PTPRN2: variants seen among roughly 807,000 people sequenced by gnomAD.
The protein encoded by PTPRN2 is receptor-type tyrosine-protein phosphatase N2.
A neutral mutation model predicts 118.8 loss-of-function variants in PTPRN2; 74 were observed. That is an observed-to-expected ratio of 0.62 (90% CI 0.52 to 0.76). The LOEUF (loss-of-function observed/expected upper bound fraction) is 0.76, where lower values mean the gene tolerates loss of function less well. Among genes scored for constraint, PTPRN2 ranks in the 30% least tolerant of loss-of-function variants. The probability of loss-of-function intolerance (pLI) is 0.00; values close to 1 mark genes in which losing one functional copy is unlikely to be tolerated. For missense variants in PTPRN2, 1,481 were observed against 1,394.4 expected, an observed-to-expected ratio of 1.06 and a Z score of -0.99; for synonymous variants, 641 against 608.0, an observed-to-expected ratio of 1.05 and a Z score of -0.80.
At chr7:158,432,036 C>T (rs1816248823) in intron 2 of PTPRN2, among the ~76,000 whole-genome samples, 1 of 152,232 alleles carries the variant, frequency 6.6e-6, no homozygotes, top group Admixed American at 6.5e-5. Flanking sequence ...TAACAGGATC[C>T]CCTTTGGTCA....
At chr7:158,129,102 C>G (rs571872458) in intron 9 of PTPRN2, among the ~76,000 whole-genome samples, 1 of 150,294 alleles carries the variant, frequency 6.7e-6, no homozygotes, top group South Asian at 2.1e-4. Flanking sequence ...ACACTACACA[C>G]CACACACAAC....
chr7:157,906,190 G>A (rs1371611109), intron 11 of PTPRN2, among the ~76,000 whole-genome samples: 9 of 152,200 alleles, frequency 5.9e-5, no homozygotes, highest in Admixed American at 3.3e-4. Context: ...AGAGGAAGGG[G>A]AAAGAGCTTT....
intron 9 of PTPRN2, among the ~76,000 whole-genome samples, chr7:158,118,890 A>G (rs1816931891): frequency 6.6e-6 from 1 of 152,092 alleles, no homozygotes; most frequent in Non-Finnish European, 1.5e-5. Context: ...TTTTGTAGAG[A>G]TGGGGTTTTG....
intron 22 of PTPRN2, among the ~76,000 whole-genome samples, chr7:157,545,504 T>C (rs1282086817): frequency 1.3e-5 from 2 of 151,890 alleles, no homozygotes; most frequent in Admixed American, 6.6e-5. Context: ...TGCAGGTGTG[T>C]GGGTGTACAC....
chr7:158,277,126 T>C (rs1799067084), intron 3 of PTPRN2, among the ~76,000 whole-genome samples: 1 of 148,646 alleles, frequency 6.7e-6, no homozygotes, highest in Non-Finnish European at 1.5e-5. Context: ...CACACACACG[T>C]GCCCGCACAC....
At chr7:158,161,128 T>C (rs1321498381) in intron 6 of PTPRN2, among the ~76,000 whole-genome samples, 3 of 152,224 alleles carry the variant, frequency 2.0e-5, no homozygotes, top group Non-Finnish European at 4.4e-5. Flanking sequence ...GACTCAATAT[T>C]GTCAGCATGT....
In PTPRN2 at chr7:158,062,390, T is replaced by C. The variant is rs546837253; in HGVS notation, c.1723+18908A>G. On this transcript the variant is annotated intron_variant, in intron 11 of 22. Transcript: ENST00000389418. The stretch of plus-strand genomic sequence containing the variant: ...GTTTCCCAGGTACTGTCAGTGGCAG[T>C]GAAAGGTGATGGCGTGCTGGCAGCC... Among the ~76,000 whole-genome samples, 21 of 152,292 alleles carry C rather than the reference T, an allele frequency of 1.4e-4. No individual in the cohort carries two copies. In the Middle Eastern group the frequency reaches 0.014, roughly 99 times the overall value.
intron 2 of PTPRN2, among the ~76,000 whole-genome samples, chr7:158,389,409 T>C (rs969950320): frequency 7.2e-5 from 11 of 152,242 alleles, no homozygotes; most frequent in Non-Finnish European, 4.4e-5. Context: ...AAGAGATGTA[T>C]TGTGCCTTCT....
chr7:157,813,810 G>C lies in PTPRN2; in HGVS notation c.1788+84863C>G, dbSNP rs1806208277. Among the ~76,000 whole-genome samples, 1 of 152,234 alleles carries C rather than the reference G, an allele frequency of 6.6e-6. No homozygotes were observed. The highest frequency in any genetic ancestry group is 2.4e-5 in the African/African-American group (1 of 41,466). ...TTCATCTGGACCCTGAGTCAGAATGGCCTGGAGCGCGGGTAAAACAGCTCG... is the reference window on the plus strand; with the variant it reads ...TTCATCTGGACCCTGAGTCAGAATGCCCTGGAGCGCGGGTAAAACAGCTCG... On this transcript the variant is annotated intron_variant, in intron 12 of 22. Coordinates refer to ENST00000389418, the MANE Select transcript of PTPRN2 (RefSeq NM_002847.5). This position sits in a 1 kb window ranked among gnomAD's most constrained non-coding sequence, Gnocchi z 4.7.
chr7:158,327,284 CTCACACATGT>C (rs1282487078), intron 2 of PTPRN2, among the ~76,000 whole-genome samples: 1 of 148,070 alleles, frequency 6.8e-6, no homozygotes, highest in Non-Finnish European at 1.5e-5. Context: ...CTCACACATG[CTCACACATGT>C]ACACATTCTC....
At position 158,133,898 on chromosome 7, in the gene PTPRN2, C is replaced by T; in HGVS notation, c.1335G>A (p.Glu445=). The change falls in exon 9 of 23, where the codon GAG becomes GAA. Residue 445 remains glutamate, a synonymous_variant. Transcript: ENST00000389418. ...TGGAATACGTCTGGCTCTTGACGTT[C>T]TCCACTCCGGCAGTCTCCTCTTCTG... The part of the protein sequence containing the change: ...LSSEEETAGV[E]NVKSQTYSKD... 6.2e-7 allele frequency: 1 copy of T among 1,613,956 alleles called. No homozygotes were observed. Among genetic ancestry groups the T allele is most frequent in the Non-Finnish European group, 8.5e-7 (1 of 1,180,046 alleles).
intron 6 of PTPRN2, among the ~76,000 whole-genome samples, chr7:158,149,927 AAAAT>A (rs562470953): frequency 9.8e-5 from 15 of 152,298 alleles, no homozygotes; most frequent in Admixed American, 2.6e-4. Flanking sequence ...AATTTAATAT[AAAAT>A]AAATAAAACA....
At chr7:158,447,770 A>G (rs921910031) in intron 2 of PTPRN2, among the ~76,000 whole-genome samples, 2 of 152,114 alleles carry the variant, frequency 1.3e-5, no homozygotes, top group Non-Finnish European at 2.9e-5. Flanking sequence ...CAGGGAGCTG[A>G]CCTCTCTGCG....
chr7:158,062,991 C>CGGCCCTGGTGCA (rs1385298961), intron 11 of PTPRN2, among the ~76,000 whole-genome samples: 2 of 152,232 alleles, frequency 1.3e-5, no homozygotes, highest in Non-Finnish European at 1.5e-5. Flanking sequence ...GCTCCGCCTG[C>CGGCCCTGGTGCA]GGCCCTGGTG....
intron 12 of PTPRN2, among the ~76,000 whole-genome samples, chr7:157,775,936 C>T (rs1208376243): frequency 1.3e-5 from 2 of 152,012 alleles, no homozygotes; most frequent in African/African-American, 4.8e-5. Flanking sequence ...GAGGAGACCG[C>T]CGCAAAATGC....
At position 158,015,728 on chromosome 7, in the gene PTPRN2, G is replaced by C. The variant is rs769717994; in HGVS notation, c.1723+65570C>G. ...GCAATTAAGCAACCAGCTATTATTA[G>C]GAGTTCAAAACAAATCACAAACATG... On this transcript the variant is annotated intron_variant, in intron 11 of 22. Transcript: ENST00000389418. The surrounding 1 kb of genome is among the most constrained non-coding windows in gnomAD (Gnocchi z 4.2). Among the ~76,000 whole-genome samples, 3 of 152,218 alleles carry C rather than the reference G, an allele frequency of 2.0e-5. No homozygotes were observed. The highest frequency in any genetic ancestry group is 4.4e-5 in the Non-Finnish European group (3 of 68,044).
rs540688826 is a variant in PTPRN2, at chr7:157,784,901, C to T, written c.1789-101964G>A. On this transcript the variant is annotated intron_variant, in intron 12 of 22. Transcript: ENST00000389418. The surrounding 1 kb of genome is among the most constrained non-coding windows in gnomAD (Gnocchi z 4.6). The stretch of plus-strand genomic sequence containing the variant: ...TGGACTTGTTCAAATGGGTGGGCAG[C>T]TGTTTCTCTGAGGAAACGCGCCCCT... Among the ~76,000 whole-genome samples the T allele has an allele frequency of 7.2e-5, 11 of 152,270 alleles. No homozygotes were observed. Among genetic ancestry groups the T allele is most frequent in the African/African-American group, 2.4e-4 (10 of 41,560 alleles).
chr7:158,417,194 T>C (rs867107609), intron 2 of PTPRN2, among the ~76,000 whole-genome samples: 1 of 151,998 alleles, frequency 6.6e-6, no homozygotes. Flanking sequence ...GTTTCCCTGC[T>C]GTGTTAAGTC....
At chr7:158,500,628 C>T (rs1822292390) in intron 1 of PTPRN2, among the ~76,000 whole-genome samples, 1 of 152,232 alleles carries the variant, frequency 6.6e-6, no homozygotes, top group Non-Finnish European at 1.5e-5. Context: ...ACGCTGGCTT[C>T]CCAGGAAGGA....
Sources: allele counts gnomAD v4.1 joint callset (sites outside exome capture counted in the v4.1 genomes callset), GRCh38; gene constraint gnomAD v4.1.1; non-coding constraint Gnocchi (gnomAD v3.1); transcripts MANE v1.5; gene names NCBI Gene and HGNC (gene_info 2026-07-23, HGNC 2026-07-21).